DOCK5: variants seen among roughly 807,000 people sequenced by gnomAD.
DOCK5 encodes dedicator of cytokinesis 5.
Under a neutral mutation model 251.8 loss-of-function variants are expected in DOCK5, and 142 were observed. That is an observed-to-expected ratio of 0.56 (90% CI 0.49 to 0.65). The LOEUF (loss-of-function observed/expected upper bound fraction) is 0.65, where lower values mean the gene tolerates loss of function less well. DOCK5 is among the 30% of genes least tolerant of loss of function. The pLI is 0.00. For synonymous variants in DOCK5, 842 were observed against 835.5 expected (o/e 1.01, Z -0.13); for missense variants, 2,111 against 2,312.3 (o/e 0.91, Z 1.79).
chr8:25,389,231 G>T lies in DOCK5; in HGVS notation c.4272G>T (p.Gln1424His). 1 of 1,613,244 alleles carries T rather than the reference G, an allele frequency of 6.2e-7. No individual in the cohort carries two copies. Among genetic ancestry groups the T allele is most frequent in the Non-Finnish European group, 8.5e-7 (1 of 1,179,314 alleles). The change falls in exon 41 of 52, where the codon CAG becomes CAT. Residue 1424 changes from glutamine (Q) to histidine (H), a missense_variant and splice_region_variant. Gln to His is a conservative substitution (Grantham distance 24). Coordinates refer to ENST00000276440, the MANE Select transcript of DOCK5 (RefSeq NM_024940.8). The stretch of plus-strand genomic sequence containing the variant: ...AAGACATCAAGTCGTCCCCCAAGCA[G>T]TGTATCCTTTCCGGGGGGAGTATGG... The part of the protein sequence containing the change: ...PGEDIKSSPK[Q>H]YMQCFTVKPV...
intron 47 of DOCK5, 146 bp from the exon 48 acceptor site, chr8:25,403,412 C>T: frequency 1.3e-6 from 1 of 785,192 alleles, no homozygotes; most frequent in African/African-American, 1.7e-5. Flanking sequence ...AGAGGCAGCA[C>T]AGGCACCAAC....
chr8:25,272,763 G>C (rs1055840186), intron 3 of DOCK5, among the ~76,000 whole-genome samples: 6 of 152,122 alleles, frequency 3.9e-5, no homozygotes, highest in African/African-American at 1.4e-4. Context: ...GTGGCACTAA[G>C]TACATTCTCA....
chr8:25,408,170 G>A lies in DOCK5; in HGVS notation c.5265+16G>A, dbSNP rs1563234636. 7 of 1,552,708 alleles carry A rather than the reference G, an allele frequency of 4.5e-6. No homozygotes were observed. Among genetic ancestry groups the A allele is most frequent in the Admixed American group, 2.0e-5 (1 of 49,362 alleles). ...CGATTTGATGGTAAAAAACAGAAAA[G>A]AAAAAAAGAAATCTCTGGAGGCTTG... On this transcript the variant is annotated intron_variant, in intron 49 of 51. Transcript: ENST00000276440.
At chr8:25,346,983 A>G (rs1800382447) in intron 26 of DOCK5, among the ~76,000 whole-genome samples, 1 of 152,184 alleles carries the variant, frequency 6.6e-6, no homozygotes, top group Non-Finnish European at 1.5e-5. Flanking sequence ...AAAAAAAAGC[A>G]TCTTACCACA....
Position 25,184,887 on chromosome 8 carries a change from G to T in DOCK5, c.-22G>T. 7.2e-7 allele frequency: 1 copy of T among 1,381,130 alleles called. No homozygotes were observed. Among genetic ancestry groups the T allele is most frequent in the Middle Eastern group, 2.3e-4 (1 of 4,290 alleles). 85.6% of individuals were successfully genotyped at this position (1,381,130 alleles called of 1,614,324 possible). On this transcript the variant is annotated 5_prime_UTR_variant, in exon 1 of 52. Transcript: ENST00000276440. ...AGCTGTAGCAGCCTTAGTCGCCGCC[G>T]CCGCGGGGCGAGGTCGCCGCCATGG...
chr8:25,336,855 C>CTGCAAA (rs1563206384), intron 22 of DOCK5, among the ~76,000 whole-genome samples: 1 of 152,126 alleles, frequency 6.6e-6, no homozygotes, highest in African/African-American at 2.4e-5. Flanking sequence ...ACAGAAGAAA[C>CTGCAAA]TGCAAAAGAG....
In DOCK5 at chr8:25,403,589, G is replaced by T. The variant is rs375194434; in HGVS notation, c.4958G>T (p.Arg1653Leu). 5 of 1,613,816 alleles carry T rather than the reference G, an allele frequency of 3.1e-6. No homozygotes were observed. Among genetic ancestry groups the T allele is most frequent in the East Asian group, 2.2e-5 (1 of 44,872 alleles). Residue 1653 changes from arginine to leucine, a missense_variant, in exon 48 of 52, where the codon CGC becomes CTC. Transcript: ENST00000276440. ...PPNLTERKQSRTGSIVLPYIM... is the reference protein window; with the variant it reads ...PPNLTERKQSLTGSIVLPYIM... ...AACTTGACGGAGAGGAAGCAAAGCC[G>T]CACGGGGTCTATTGTGCTCCCCTAC...
chr8:25,227,537 A>T (rs1802561180), intron 1 of DOCK5, among the ~76,000 whole-genome samples: 1 of 152,078 alleles, frequency 6.6e-6, no homozygotes. Flanking sequence ...GGGTATGTAA[A>T]CCTTATAGAA....
At chr8:25,233,974 A>G (rs1802734648) in intron 1 of DOCK5, among the ~76,000 whole-genome samples, 1 of 152,210 alleles carries the variant, frequency 6.6e-6, no homozygotes, top group African/African-American at 2.4e-5. Context: ...ATAAATACCC[A>G]GGAAGTTGAG....
chr8:25,290,202 G>A (rs1411082814), intron 5 of DOCK5, among the ~76,000 whole-genome samples: 1 of 151,980 alleles, frequency 6.6e-6, no homozygotes, highest in African/African-American at 2.4e-5. Context: ...TTAAAATGAA[G>A]ACATCAATCA....
chr8:25,347,386 A>G (rs1241907506), intron 26 of DOCK5, among the ~76,000 whole-genome samples: 1 of 152,154 alleles, frequency 6.6e-6, no homozygotes, highest in African/African-American at 2.4e-5. Flanking sequence ...TTCATTATAG[A>G]TCATTCCCCC....
intron 6 of DOCK5, among the ~76,000 whole-genome samples, chr8:25,295,976 C>T (rs1024386871): frequency 6.6e-6 from 1 of 152,074 alleles, no homozygotes; most frequent in Non-Finnish European, 1.5e-5. Flanking sequence ...TGTGCTACTA[C>T]ACCTGGCTAA....
rs377734992 is a variant in DOCK5 at position 25,309,496 on chromosome 8, C to T, written c.1192+571C>T. ...CCGCCCCTGGCCTCCATGTTTTTGCCTACCCTTCATTCCCAATGTCGACCC... is the reference window on the plus strand; with the variant it reads ...CCGCCCCTGGCCTCCATGTTTTTGCTTACCCTTCATTCCCAATGTCGACCC... On this transcript the variant is annotated intron_variant, in intron 12 of 51. Transcript: ENST00000276440. Among the ~76,000 whole-genome samples, 15 of 152,224 alleles carry T rather than the reference C, an allele frequency of 9.9e-5. No homozygotes were observed. The East Asian group carries it at 1.5e-3, about 16-fold the overall frequency.
At position 25,300,666 on chromosome 8, in the gene DOCK5, TC is replaced by T. The variant is rs1301530179; in HGVS notation, c.846+12del. 1 of 1,607,250 alleles carries T rather than the reference TC, an allele frequency of 6.2e-7. No individual in the cohort carries two copies. Among genetic ancestry groups the T allele is most frequent in the South Asian group, 1.1e-5 (1 of 90,006 alleles). ...TCCAAGCAGTGTTTACAGTAAGTCC[TC>T]CCTTCTGTTTAATCATTCTCTTTGT... On this transcript the variant is annotated intron_variant, in intron 9 of 51. Coordinates refer to ENST00000276440, the MANE Select transcript of DOCK5 (RefSeq NM_024940.8).
At position 25,184,872 on chromosome 8, in the gene DOCK5, G is replaced by C; in HGVS notation, c.-37G>C. ...GGCCGGAGCCCGAGGAGCTGTAGCA[G>C]CCTTAGTCGCCGCCGCCGCGGGGCG... On this transcript the variant is annotated 5_prime_UTR_variant, in exon 1 of 52. Coordinates refer to ENST00000276440, the MANE Select transcript of DOCK5 (RefSeq NM_024940.8). The C allele has an allele frequency of 7.4e-7, 1 of 1,355,130 alleles. No homozygotes were observed. Among genetic ancestry groups the C allele is most frequent in the Non-Finnish European group, 9.5e-7 (1 of 1,047,418 alleles). The allele number at this position is 1,355,130 out of a possible 1,614,324, so 83.9% of individuals were successfully genotyped here.
chr8:25,208,599 A>C (rs189162008), intron 1 of DOCK5, among the ~76,000 whole-genome samples: 57 of 152,306 alleles, frequency 3.7e-4, no homozygotes, highest in Non-Finnish European at 7.1e-4. Flanking sequence ...TTAGCAATAA[A>C]ATATTTTCAA....
intron 22 of DOCK5, among the ~76,000 whole-genome samples, chr8:25,337,884 C>T (rs1805855368): frequency 1.3e-5 from 2 of 151,948 alleles, no homozygotes. Flanking sequence ...TGCGCCTGGC[C>T]CGATACATTC....
chr8:25,227,553 C>T (rs13267148), intron 1 of DOCK5, among the ~76,000 whole-genome samples: 12,952 of 151,990 alleles, frequency 0.085, 1,488 homozygotes, highest in African/African-American at 0.27. Flanking sequence ...TAGAAAGTTC[C>T]AATGTCTTGA....
rs748321269 is a variant in DOCK5 at position 25,390,306 on chromosome 8, A to T, written c.4355+19A>T. On this transcript the variant is annotated intron_variant, in intron 42 of 51. Transcript: ENST00000276440. ...TCTTAAAGTAAGTGGTTTTTCATTT[A>T]AAAAAAAAAAAAATCTGTGTCTAGG... 2.4e-4 allele frequency: 32 copies of T among 130,662 alleles called. No homozygotes were observed. The East Asian group carries it at 3.8e-3, about 15-fold the overall frequency. The allele number at this position is 130,662 out of a possible 1,614,324, so 8.1% of individuals were successfully genotyped here.
Sources: allele counts gnomAD v4.1 joint callset (sites outside exome capture counted in the v4.1 genomes callset), GRCh38; gene constraint gnomAD v4.1.1; transcripts MANE v1.5; gene names NCBI Gene and HGNC (gene_info 2026-07-23, HGNC 2026-07-21).